Variants in C8orf34 observed in about 807,000 individuals in gnomAD.
C8orf34 encodes the protein chromosome 8 open reading frame 34, also known as uncharacterized protein C8orf34.
A neutral mutation model predicts 68.3 loss-of-function variants in C8orf34; 65 were observed. That is an observed-to-expected ratio of 0.95 (90% confidence interval 0.78 to 1.17). The LOEUF is 1.17. C8orf34 is among the 50% of genes most tolerant of loss of function. The probability of loss-of-function intolerance (pLI) is 0.00; values close to 1 mark genes in which losing one functional copy is unlikely to be tolerated. For missense variants in C8orf34, 664 were observed against 655.4 expected, an observed-to-expected ratio of 1.01 and a Z score of -0.14; for synonymous variants, 244 against 241.2, an observed-to-expected ratio of 1.01 and a Z score of -0.11.
intron 8 of C8orf34, among the ~76,000 whole-genome samples, chr8:68,670,362 C>A (rs193197184): frequency 1.2e-3 from 179 of 152,216 alleles, no homozygotes; most frequent in Non-Finnish European, 2.0e-3. Flanking sequence ...ATCTTAAATC[C>A]CTTCCCTAGG....
intron 1 of C8orf34, among the ~76,000 whole-genome samples, chr8:68,408,652 C>T (rs1809308180): frequency 6.6e-6 from 1 of 152,174 alleles, no homozygotes; most frequent in Non-Finnish European, 1.5e-5. Context: ...ATGAACTGCA[C>T]ATATGACAGT....
chr8:68,500,331 A>C (rs1813711609), intron 5 of C8orf34, among the ~76,000 whole-genome samples: 1 of 152,178 alleles, frequency 6.6e-6, no homozygotes, highest in Admixed American at 6.5e-5. Context: ...CTTTTCAAAA[A>C]CATGAAGGTC....
chr8:68,430,352 T>A (rs1810404827), intron 1 of C8orf34, among the ~76,000 whole-genome samples: 1 of 152,152 alleles, frequency 6.6e-6, no homozygotes, highest in African/African-American at 2.4e-5. Flanking sequence ...TTCACTTGTA[T>A]CCTTTATAAT....
At chr8:68,369,763 GC>G (rs1283634157) in intron 1 of C8orf34, among the ~76,000 whole-genome samples, 1 of 152,158 alleles carries the variant, frequency 6.6e-6, no homozygotes, top group Non-Finnish European at 1.5e-5. Context: ...TTTACTAAAA[GC>G]CCCCAGGGGT....
At chr8:68,592,680 T>A (rs1412030816) in intron 7 of C8orf34, among the ~76,000 whole-genome samples, 1 of 148,588 alleles carries the variant, frequency 6.7e-6, no homozygotes, top group African/African-American at 2.5e-5. Context: ...GTGATCTCGG[T>A]TCACTGCAAC....
At chr8:68,756,034 T>C (rs1002760052) in intron 10 of C8orf34, among the ~76,000 whole-genome samples, 1 of 150,398 alleles carries the variant, frequency 6.6e-6, no homozygotes, top group Non-Finnish European at 1.5e-5. Context: ...GCCACTGCAC[T>C]CCAGCCTGGG....
chr8:68,484,744 C>T (rs1336303524), intron 4 of C8orf34, among the ~76,000 whole-genome samples: 1 of 152,102 alleles, frequency 6.6e-6, no homozygotes, highest in Non-Finnish European at 1.5e-5. Flanking sequence ...TGAAGCGTTT[C>T]ATTAAAATTC....
chr8:68,695,739 A>G (rs933291145), intron 8 of C8orf34: 1 of 152,102 alleles, frequency 6.6e-6, no homozygotes, highest in Non-Finnish European at 1.5e-5. Context: ...GAGAATTATC[A>G]TATGTCTCAT....
At chr8:68,741,648 T>A (rs1822298018) in intron 10 of C8orf34, among the ~76,000 whole-genome samples, 1 of 152,082 alleles carries the variant, frequency 6.6e-6, no homozygotes, top group South Asian at 2.1e-4. Context: ...CTGGCAACCA[T>A]CCTTCAACTC....
At chr8:68,437,444 T>C (rs1810711297) in intron 1 of C8orf34, among the ~76,000 whole-genome samples, 1 of 152,146 alleles carries the variant, frequency 6.6e-6, no homozygotes, top group African/African-American at 2.4e-5. Context: ...AGCAATCCAG[T>C]TGTACCTTCT....
At chr8:68,706,574 T>C (rs1821172354) in intron 8 of C8orf34, among the ~76,000 whole-genome samples, 1 of 152,144 alleles carries the variant, frequency 6.6e-6, no homozygotes, top group African/African-American at 2.4e-5. Flanking sequence ...GGAGGTGAAT[T>C]TGTTTTCGGA....
intron 10 of C8orf34, among the ~76,000 whole-genome samples, chr8:68,751,360 G>A: frequency 6.6e-6 from 1 of 152,140 alleles, no homozygotes; most frequent in East Asian, 1.9e-4. Context: ...ATTGAAGGGT[G>A]GCATTAGAGT....
intron 4 of C8orf34, among the ~76,000 whole-genome samples, chr8:68,483,327 G>A (rs1812939538): frequency 6.6e-6 from 1 of 152,186 alleles, no homozygotes; most frequent in African/African-American, 2.4e-5. Flanking sequence ...GAAGCTGAAA[G>A]GCTGAAGAAA....
At chr8:68,530,620 A>G (rs1478846437) in intron 6 of C8orf34, 1 of 1,253,424 alleles carries the variant, frequency 8.0e-7, no homozygotes, top group Non-Finnish European at 1.0e-6. Context: ...GCAATGATGC[A>G]GAGGACAGAT....
At chr8:68,728,155 GTC>G (rs1417591724) in intron 10 of C8orf34, among the ~76,000 whole-genome samples, 2 of 152,048 alleles carry the variant, frequency 1.3e-5, no homozygotes, top group East Asian at 1.9e-4. Flanking sequence ...ACCCTAAATA[GTC>G]TCTCTCAAGT....
chr8:68,612,938 T>C (rs1432147977), intron 7 of C8orf34, among the ~76,000 whole-genome samples: 1 of 152,164 alleles, frequency 6.6e-6, no homozygotes, highest in Admixed American at 6.6e-5. Context: ...AAACGTAATT[T>C]CTAGTTATCT....
At chr8:68,398,535 G>A (rs984371359) in intron 1 of C8orf34, among the ~76,000 whole-genome samples, 10 of 151,974 alleles carry the variant, frequency 6.6e-5, no homozygotes, top group African/African-American at 2.4e-5. Flanking sequence ...ACACACAAAA[G>A]GTAGCTATTT....
At chr8:68,729,357 A>G (rs1364019030) in intron 10 of C8orf34, among the ~76,000 whole-genome samples, 2 of 152,232 alleles carry the variant, frequency 1.3e-5, no homozygotes, top group Non-Finnish European at 2.9e-5. Context: ...TCAATTATAC[A>G]CAATGAACAT....
intron 1 of C8orf34, among the ~76,000 whole-genome samples, chr8:68,357,290 T>C (rs1381502217): frequency 6.6e-6 from 1 of 152,144 alleles, no homozygotes; most frequent in African/African-American, 2.4e-5. Flanking sequence ...TGCAATAATG[T>C]TAAGTAGGTG....
Sources: allele counts gnomAD v4.1 joint callset (sites outside exome capture counted in the v4.1 genomes callset), GRCh38; gene constraint gnomAD v4.1.1; transcripts MANE v1.5; gene names NCBI Gene and HGNC (gene_info 2026-07-23, HGNC 2026-07-21).